The following ADAMTSL1 variants were observed in gnomAD, a reference collection of about 807,000 sequenced individuals.
ADAMTSL1 encodes the protein ADAMTS-like protein 1.
ADAMTSL1 carries 126 observed loss-of-function variants against 201.8 expected under a neutral mutation model. The observed-to-expected ratio is 0.62, with a 90% confidence interval of 0.54 to 0.72. ADAMTSL1 has a LOEUF of 0.72. Among genes scored for constraint, ADAMTSL1 ranks in the 30% least tolerant of loss-of-function variants. The pLI, the probability that ADAMTSL1 is intolerant of heterozygous loss-of-function variation, is 0.00. For synonymous variants in ADAMTSL1, 1,121 were observed against 903.4 expected, an observed-to-expected ratio of 1.24 and a Z score of -4.32; for missense variants, 2,679 against 2,277.8, an observed-to-expected ratio of 1.18 and a Z score of -3.59.
intron 2 of ADAMTSL1, among the ~76,000 whole-genome samples, chr9:18,307,763 A>G (rs545509982): frequency 1.1e-4 from 17 of 152,212 alleles, no homozygotes; most frequent in African/African-American, 3.6e-4. Context: ...TTAACACCCC[A>G]CTGTCAATAT....
chr9:18,031,051 T>C (rs1400371993), intron 1 of ADAMTSL1, among the ~76,000 whole-genome samples: 1 of 152,150 alleles, frequency 6.6e-6, no homozygotes, highest in East Asian at 1.9e-4. Flanking sequence ...ACGTCATCTT[T>C]TAAACTCTTG....
intron 2 of ADAMTSL1, among the ~76,000 whole-genome samples, chr9:18,270,371 G>T (rs7852708): frequency 6.6e-6 from 1 of 151,912 alleles, no homozygotes; most frequent in East Asian, 1.9e-4. Context: ...GAACACAAAC[G>T]TTCAGACCAT....
intron 4 of ADAMTSL1, among the ~76,000 whole-genome samples, chr9:18,597,047 A>G (rs1824309306): frequency 1.3e-5 from 2 of 152,174 alleles, no homozygotes; most frequent in African/African-American, 2.4e-5. Flanking sequence ...ACTAGGAGAG[A>G]CCACATATTA....
At chr9:18,669,827 C>T (rs558288829) in intron 9 of ADAMTSL1, among the ~76,000 whole-genome samples, 1 of 152,256 alleles carries the variant, frequency 6.6e-6, no homozygotes, top group East Asian at 1.9e-4. Flanking sequence ...CTGATCTCAT[C>T]CAGTACTTAG....
chr9:17,938,361 GT>G (rs1827097198), intron 1 of ADAMTSL1, among the ~76,000 whole-genome samples: 1 of 152,070 alleles, frequency 6.6e-6, no homozygotes, highest in African/African-American at 2.4e-5. Context: ...ATTTCATAAG[GT>G]TTTACCTCAG....
intron 21 of ADAMTSL1, 47 bp from the exon 22 acceptor site, chr9:18,826,237 T>C: frequency 5.1e-6 from 8 of 1,554,686 alleles, no homozygotes; most frequent in East Asian, 2.4e-5. Flanking sequence ...CACCTGAATG[T>C]GTTTGACTGA....
chr9:18,806,412 G>C (rs1252365010), intron 20 of ADAMTSL1, among the ~76,000 whole-genome samples: 1 of 152,184 alleles, frequency 6.6e-6, no homozygotes, highest in Non-Finnish European at 1.5e-5. Flanking sequence ...AAGAGGAAAA[G>C]GGTTTGGCTG....
At chr9:18,618,865 C>G (rs1340082557) in intron 4 of ADAMTSL1, among the ~76,000 whole-genome samples, 1 of 152,162 alleles carries the variant, frequency 6.6e-6, no homozygotes, top group East Asian at 1.9e-4. Context: ...ATTCTTTTAA[C>G]TGCATATAAT....
At chr9:18,291,665 A>G (rs1587484268) in intron 2 of ADAMTSL1, among the ~76,000 whole-genome samples, 2 of 129,566 alleles carry the variant, frequency 1.5e-5, no homozygotes, top group Admixed American at 1.6e-4. Flanking sequence ...ATCTCTCCCC[A>G]TCATCTCTCT....
At chr9:17,913,218 T>C (rs201887164) in intron 1 of ADAMTSL1, among the ~76,000 whole-genome samples, 15,958 of 152,160 alleles carry the variant, frequency 0.1, 1,020 homozygotes, top group Middle Eastern at 0.15. Context: ...AGTAGTTTTT[T>C]CCAATTCTGT....
At chr9:18,793,972 G>A (rs998332331) in intron 19 of ADAMTSL1, among the ~76,000 whole-genome samples, 1 of 151,862 alleles carries the variant, frequency 6.6e-6, no homozygotes, top group Non-Finnish European at 1.5e-5. Flanking sequence ...GGGTGGAGTG[G>A]GTTTGAAGCT....
Position 17,931,083 on chromosome 9 carries a change from A to G in ADAMTSL1, c.87+24161A>G, listed in dbSNP as rs139006871. Among the ~76,000 whole-genome samples, 1,520 of 152,298 alleles carry G rather than the reference A, an allele frequency of 1.0e-2. 12 individuals are homozygous for G. The highest frequency in any genetic ancestry group is 0.017 in the Non-Finnish European group (1,171 of 68,012). On this transcript the variant is annotated intron_variant, in intron 1 of 29. Coordinates refer to the ADAMTSL1 transcript ENST00000680146. The stretch of plus-strand genomic sequence containing the variant: ...CTCATGGGGCTATTAATCAAATAGT[A>G]TCTGTTTAAACAGAAAAAAAGACCT...
intron 23 of ADAMTSL1, among the ~76,000 whole-genome samples, chr9:18,838,330 G>T (rs932501548): frequency 6.7e-6 from 1 of 150,262 alleles, no homozygotes; most frequent in African/African-American, 2.5e-5. Context: ...ATTCAAATGA[G>T]ATTTGGGTGG....
rs192792765 is a variant in ADAMTSL1 at position 18,531,999 on chromosome 9, G to C, written c.192-1248G>C. Among the ~76,000 whole-genome samples, 456 of 152,166 alleles carry C rather than the reference G, an allele frequency of 3.0e-3. 1 individual carries two copies. Among genetic ancestry groups the C allele is most frequent in the African/African-American group, 0.011 (440 of 41,510 alleles). On this transcript the variant is annotated intron_variant, in intron 2 of 28. Transcript: ENST00000380548. ...TGGTACTCTATCTCTCCGGGTTTTT[G>C]AGAATATTAAATAAATTTATACATA...
intron 9 of ADAMTSL1, among the ~76,000 whole-genome samples, chr9:18,674,496 C>T (rs995736672): frequency 1.8e-4 from 28 of 151,968 alleles, no homozygotes; most frequent in African/African-American, 6.3e-4. Flanking sequence ...CTTTCATCAT[C>T]TCCAGCCAGT....
chr9:18,361,841 G>C (rs1836534680), intron 2 of ADAMTSL1, among the ~76,000 whole-genome samples: 1 of 152,176 alleles, frequency 6.6e-6, no homozygotes, highest in Non-Finnish European at 1.5e-5. Flanking sequence ...TTTCCAGCAA[G>C]TTTTAGCCTG....
intron 2 of ADAMTSL1, among the ~76,000 whole-genome samples, chr9:18,407,596 T>G (rs1032872509): frequency 2.0e-5 from 3 of 152,020 alleles, no homozygotes; most frequent in Non-Finnish European, 4.4e-5. Flanking sequence ...ATTCCAAGAA[T>G]AAGGGAGTGG....
chr9:18,524,425 C>G (rs1176228131), intron 2 of ADAMTSL1, among the ~76,000 whole-genome samples: 3 of 152,046 alleles, frequency 2.0e-5, no homozygotes, highest in Non-Finnish European at 2.9e-5. Context: ...AATTGAATAC[C>G]CTTTATTTCT....
chr9:18,393,925 CT>C lies in ADAMTSL1; in HGVS notation c.208-110903del, dbSNP rs1180376118. On this transcript the variant is annotated intron_variant, in intron 2 of 29. Coordinates refer to the ADAMTSL1 transcript ENST00000680146. ...CCACAGCCCACTGTACCTCTGACTA[CT>C]AGTTGGTAAACAAATATCCTAATGT... 1.3e-5 allele frequency among the ~76,000 whole-genome samples: 2 copies of C among 152,172 alleles called. 1 individual carries two copies. The highest frequency in any genetic ancestry group is 4.8e-5 in the African/African-American group (2 of 41,452).
Sources: gnomAD v4.1 joint callset for allele counts (sites outside exome capture counted in the v4.1 genomes callset) on GRCh38, gnomAD v4.1.1 for gene constraint, MANE v1.5 for transcripts, NCBI Gene and HGNC (gene_info 2026-07-23, HGNC 2026-07-21) for gene names.